PCDH1: variants seen among roughly 807,000 people sequenced by gnomAD.
The protein encoded by PCDH1 is protocadherin 1.
Under a neutral mutation model 74.6 loss-of-function variants are expected in PCDH1, and 23 were observed. The observed-to-expected ratio is 0.31, with a 90% CI of 0.22 to 0.44. PCDH1 has a LOEUF of 0.44. PCDH1 is among the 20% of genes least tolerant of loss of function. The probability of loss-of-function intolerance (pLI) is 1.00; values close to 1 mark genes in which losing one functional copy is unlikely to be tolerated. For missense variants in PCDH1, 1,214 were observed against 1,641.4 expected (o/e 0.74, Z 4.50); for synonymous variants, 647 against 686.1 (o/e 0.94, Z 0.89).
At chr5:141,870,999 C>T (rs920520496) in intron 1 of PCDH1, among the ~76,000 whole-genome samples, 1 of 152,210 alleles carries the variant, frequency 6.6e-6, no homozygotes, top group Non-Finnish European at 1.5e-5. Context: ...GGTGACCTCT[C>T]CTTCCTCCAA....
chr5:141,855,136 T>C (rs572637514), intron 4 of PCDH1, among the ~76,000 whole-genome samples: 1 of 151,792 alleles, frequency 6.6e-6, no homozygotes, highest in South Asian at 2.1e-4. Context: ...CATGCCTGGC[T>C]AATTTTTTAT....
Position 141,869,807 on chromosome 5 carries a change from T to C in PCDH1, c.41-376A>G. 2.0e-6 allele frequency: 2 copies of C among 985,372 alleles called. No individual in the cohort carries two copies. The highest frequency in any genetic ancestry group is 2.4e-6 in the Non-Finnish European group (2 of 829,890). The allele number at this position is 985,372 out of a possible 1,614,324, so 61.0% of individuals were successfully genotyped here. ...ACCCAACACCTCCTTCTCACGAGCA[T>C]CCTGCCTTAGTCACCGATGGTAATT... On this transcript the variant is annotated intron_variant, in intron 1 of 4. Transcript: ENST00000287008. The surrounding 1 kb of genome is among the most constrained non-coding windows in gnomAD (Gnocchi z 4.9).
chr5:141,860,537 G>A (rs532728621), intron 3 of PCDH1, among the ~76,000 whole-genome samples: 3 of 151,298 alleles, frequency 2.0e-5, no homozygotes, highest in African/African-American at 4.8e-5. Context: ...AGTCTAACAG[G>A]TTCCCCCTTT....
At chr5:141,874,341 T>TA (rs1179923734) in intron 1 of PCDH1, among the ~76,000 whole-genome samples, 4 of 152,302 alleles carry the variant, frequency 2.6e-5, no homozygotes, top group African/African-American at 9.6e-5. Context: ...TGGGAGTCAT[T>TA]AATCCCACAC....
rs1176602026 is a variant in PCDH1, at chr5:141,868,824, T to C, written c.648A>G (p.Leu216=). The change falls in exon 2 of 5, where the codon CTA becomes CTG. Residue 216 remains leucine, a synonymous_variant. Transcript: ENST00000287008. This position sits in a 1 kb window ranked among gnomAD's most constrained non-coding sequence, Gnocchi z 4.8. ...GGTCCTCTGCCACCTGCAGCCCAAA[T>C]AGCTCCTGGGCCTCAGGCCCAGCCT... The part of the protein sequence containing the change: ...ELQAGPEAQE[L]FGLQVAEDQE... 4 of 1,614,188 alleles carry C rather than the reference T, an allele frequency of 2.5e-6. No individual in the cohort carries two copies. Among genetic ancestry groups the C allele is most frequent in the East Asian group, 4.5e-5 (2 of 44,866 alleles).
Position 141,878,259 on chromosome 5 carries a change from C to T in PCDH1, c.4G>A (p.Asp2Asn). Residue 2 changes from aspartate to asparagine, a missense_variant, in exon 1 of 5, where the codon GAC becomes AAC. Asp to Asn is a conservative substitution (Grantham distance 23). Around this residue, in one of 4 missense-constraint regions of PCDH1, gnomAD observed 87 missense variants for 87.7 expected, o/e 0.99. Transcript: ENST00000287008. This position sits in a 1 kb window ranked among gnomAD's most constrained non-coding sequence, Gnocchi z 5.5. ...CAGCGCCGGCCGCCCGCCCCGCTGT[C>T]CATGAGCCGCCGCCGGCCCCGGCCT... The part of the protein sequence containing the change: M[D>N]SGAGGRRCPE... 3 of 1,321,486 alleles carry T rather than the reference C, an allele frequency of 2.3e-6. No individual in the cohort carries two copies. The highest frequency in any genetic ancestry group is 2.9e-6 in the Non-Finnish European group (3 of 1,039,600). The allele number at this position is 1,321,486 out of a possible 1,614,324, so 81.9% of individuals were successfully genotyped here.
At position 141,854,226 on chromosome 5, in the gene PCDH1, T is replaced by C. The variant is rs1397295642; in HGVS notation, c.3530A>G (p.Asp1177Gly). The change falls in exon 5 of 5, where the codon GAC (aspartate) becomes GGC (glycine). Residue 1177 changes from aspartate (D) to glycine (G), a missense_variant. Asp to Gly is a moderately conservative substitution (Grantham distance 94). Around this residue, in one of 4 missense-constraint regions of PCDH1, gnomAD observed 194 missense variants for 198.3 expected, o/e 0.98. Transcript: ENST00000287008. ...AGAGSPSPPE[D>G]RNTKTAPVRL... ...CACGGGGGCCGTTTTGGTGTTCCGG[T>C]CTTCCGGGGGGCTGGGGCTGCCGGC... The C allele has an allele frequency of 6.2e-7, 1 of 1,611,434 alleles. No homozygotes were observed. The highest frequency in any genetic ancestry group is 1.7e-5 in the Admixed American group (1 of 59,758).
chr5:141,876,903 G>A (rs1753253664), intron 1 of PCDH1, among the ~76,000 whole-genome samples: 1 of 152,226 alleles, frequency 6.6e-6, no homozygotes, highest in African/African-American at 2.4e-5. Context: ...AAGGAACCTG[G>A]GGCCCCAGAG....
In PCDH1 at chr5:141,865,275, G is replaced by C. The variant is rs749540615; in HGVS notation, c.1056C>G (p.Thr352=). ...QGPVDREDLS[T]LRFSVLAKDR... is the part of the protein sequence containing the mutation. ...CCTTAGCAAGCACTGAGAAGCGCAG[G>C]GTGCTTAGGTCCTCACGGTCCACCG... The change falls in exon 3 of 5, where the codon ACC becomes ACG. Residue 352 remains threonine (T), a synonymous_variant. Coordinates refer to ENST00000287008, the MANE Select transcript of PCDH1 (RefSeq NM_032420.5). This position sits in a 1 kb window ranked among gnomAD's most constrained non-coding sequence, Gnocchi z 4.4. 1 of 1,614,188 alleles carries C rather than the reference G, an allele frequency of 6.2e-7. No homozygotes were observed. Among genetic ancestry groups the C allele is most frequent in the Admixed American group, 1.7e-5 (1 of 60,022 alleles).
intron 3 of PCDH1, chr5:141,862,580 AC>A: frequency 1.0e-6 from 1 of 960,792 alleles, no homozygotes; most frequent in Non-Finnish European, 1.2e-6. Flanking sequence ...TTGAGGTAGG[AC>A]CTGAGGACAA....
At chr5:141,866,268 A>G (rs1264241571) in intron 2 of PCDH1, 2 of 982,836 alleles carry the variant, frequency 2.0e-6, no homozygotes, top group East Asian at 2.3e-4. Flanking sequence ...CTGAGCCTGC[A>G]GCCAGGAGGG....
At chr5:141,855,866 G>A (rs1055645374) in intron 4 of PCDH1, among the ~76,000 whole-genome samples, 1 of 152,072 alleles carries the variant, frequency 6.6e-6, no homozygotes, top group African/African-American at 2.4e-5. Context: ...TGGGCAGCGG[G>A]GGTCTCCATG....
rs1297757288 is a variant in PCDH1, at chr5:141,868,275, C to A, written c.903+294G>T. Among the ~76,000 whole-genome samples the A allele has an allele frequency of 6.6e-6, 1 of 152,230 alleles. No individual in the cohort carries two copies. Among genetic ancestry groups the A allele is most frequent in the East Asian group, 1.9e-4 (1 of 5,190 alleles). On this transcript the variant is annotated intron_variant, in intron 2 of 4. Coordinates refer to ENST00000287008, the MANE Select transcript of PCDH1 (RefSeq NM_032420.5). The surrounding 1 kb of genome is among the most constrained non-coding windows in gnomAD (Gnocchi z 4.8). The stretch of plus-strand genomic sequence containing the variant: ...GGCTAGCAGAGAAGGATCTACTTGA[C>A]TAGGGCGGGAGTTTTACTTCTCAGA...
chr5:141,859,894 G>T (rs1377955441), intron 3 of PCDH1, among the ~76,000 whole-genome samples: 5 of 152,114 alleles, frequency 3.3e-5, no homozygotes, highest in Admixed American at 6.5e-5. Flanking sequence ...AGAACTTTTG[G>T]TAAGGCACCT....
At chr5:141,873,506 GC>G (rs1753147192) in intron 1 of PCDH1, among the ~76,000 whole-genome samples, 1 of 150,710 alleles carries the variant, frequency 6.6e-6, no homozygotes, top group African/African-American at 2.4e-5. Context: ...GAGTGCAGGG[GC>G]GCGATCCCGG....
At position 141,861,145 on chromosome 5, in the gene PCDH1, T is replaced by C. The variant is rs532863233; in HGVS notation, c.3099+2087A>G. Among the ~76,000 whole-genome samples, 94 of 138,278 alleles carry C rather than the reference T, an allele frequency of 6.8e-4. No individual in the cohort carries two copies. In the East Asian group the frequency reaches 0.017, roughly 26 times the overall value. The allele number at this position is 138,278 out of a possible 152,430, so 90.7% of individuals were successfully genotyped here. A position where few individuals can be genotyped will look rare whatever the true frequency, so the allele number is the denominator to read the frequency against. On this transcript the variant is annotated intron_variant, in intron 3 of 4. Coordinates refer to ENST00000287008, the MANE Select transcript of PCDH1 (RefSeq NM_032420.5). Reference sequence around the variant, plus strand: ...AAAAAAAAAAAAAAAAAAAAGGAAGTGAGCAGTAGCAGTAGAAGTAGTTTC... The same window carrying C: ...AAAAAAAAAAAAAAAAAAAAGGAAGCGAGCAGTAGCAGTAGAAGTAGTTTC...
rs1311344483 is a variant in PCDH1, at chr5:141,869,046, G to T, written c.426C>A (p.Asp142Glu). The T allele has an allele frequency of 3.7e-6, 6 of 1,613,958 alleles. No individual in the cohort carries two copies. Among genetic ancestry groups the T allele is most frequent in the Non-Finnish European group, 5.1e-6 (6 of 1,180,042 alleles). ...CILEFEVSITDLVQNGSPRLL... is the reference protein window; with the variant it reads ...CILEFEVSITELVQNGSPRLL... ...GCCGGGGGCTGCCATTCTGCACGAG[G>T]TCTGTGATAGATACCTCAAACTCCA... The change falls in exon 2 of 5, where the codon GAC becomes GAA. Residue 142 changes from aspartate to glutamate, a missense_variant. Around this residue, in one of 4 missense-constraint regions of PCDH1, gnomAD observed 97 missense variants for 173.2 expected, o/e 0.56. Transcript: ENST00000287008. This position sits in a 1 kb window ranked among gnomAD's most constrained non-coding sequence, Gnocchi z 4.9.
In PCDH1 at chr5:141,868,673, G is replaced by T. The variant is rs139217153; in HGVS notation, c.799C>A (p.Arg267Ser). ...SPPRASSALL[R>S]VTVLDTNDNA... ...TCATTGGTGTCAAGCACGGTGACACGCAGCAGGGCACTGCTGGCGCGTGGG... is the reference window on the plus strand; with the variant it reads ...TCATTGGTGTCAAGCACGGTGACACTCAGCAGGGCACTGCTGGCGCGTGGG... The change falls in exon 2 of 5, where the codon CGT becomes AGT. Residue 267 changes from arginine (R) to serine (S), a missense_variant. Arg to Ser is a moderately radical substitution (Grantham distance 110, BLOSUM62 -1). Around this residue, in one of 4 missense-constraint regions of PCDH1, gnomAD observed 836 missense variants for 1,182.2 expected, o/e 0.71. Transcript: ENST00000287008. The surrounding 1 kb of genome is among the most constrained non-coding windows in gnomAD (Gnocchi z 4.8). 6 of 1,611,334 alleles carry T rather than the reference G, an allele frequency of 3.7e-6. No individual in the cohort carries two copies. In the African/African-American group the frequency reaches 8.0e-5, roughly 22 times the overall value.
chr5:141,874,288 G>A (rs191768164), intron 1 of PCDH1, among the ~76,000 whole-genome samples: 7 of 152,184 alleles, frequency 4.6e-5, no homozygotes, highest in Admixed American at 1.3e-4. Context: ...TCCCTCACCC[G>A]TGTTCCCACC....
Sources: gnomAD v4.1 joint callset for allele counts (sites outside exome capture counted in the v4.1 genomes callset) on GRCh38, gnomAD v4.1.1 for gene constraint, gnomAD v4.1.1 regional missense constraint, Gnocchi (gnomAD v3.1) non-coding constraint, MANE v1.5 for transcripts, NCBI Gene and HGNC (gene_info 2026-07-23, HGNC 2026-07-21) for gene names.